KBTBD12: variants seen among roughly 807,000 people sequenced by gnomAD.
KBTBD12 encodes the protein kelch repeat and BTB domain-containing protein 12.
Under a neutral mutation model 58.7 loss-of-function variants are expected in KBTBD12, and 53 were observed. That is an observed-to-expected ratio of 0.90 (90% CI 0.72 to 1.14). The LOEUF is 1.14. Among genes scored for constraint, KBTBD12 ranks in the 50% most tolerant of loss-of-function variants. KBTBD12 has a pLI of 0.00. For missense variants in KBTBD12, 704 were observed against 751.3 expected (o/e 0.94, Z 0.74); for synonymous variants, 236 against 259.8 (o/e 0.91, Z 0.88).
At chr3:127,918,976 GT>G (rs979695438) in intron 1 of KBTBD12, among the ~76,000 whole-genome samples, 1 of 151,828 alleles carries the variant, frequency 6.6e-6, no homozygotes. Flanking sequence ...CTTAAAAATG[GT>G]TTTTTTTAAA....
At chr3:127,959,815 AT>A (rs1302660209) in intron 4 of KBTBD12, among the ~76,000 whole-genome samples, 1 of 152,256 alleles carries the variant, frequency 6.6e-6, no homozygotes, top group Admixed American at 6.5e-5. Context: ...TAATTTACTG[AT>A]GAGAAAAGGC....
Position 127,927,955 on chromosome 3 carries a change from C to G in KBTBD12, c.1262C>G (p.Pro421Arg), listed in dbSNP as rs753185375. The G allele has an allele frequency of 1.2e-6, 2 of 1,613,070 alleles. No homozygotes were observed. Among genetic ancestry groups the G allele is most frequent in the Admixed American group, 3.3e-5 (2 of 59,908 alleles). The change falls in exon 3 of 6, where the codon CCC becomes CGC. Residue 421 changes from proline (P) to arginine (R), a missense_variant. Pro to Arg is a moderately radical substitution (Grantham distance 103, BLOSUM62 -2). Transcript: ENST00000405109. ...VERDNWKRVSPLPLQLACHAV... is the reference protein window; with the variant it reads ...VERDNWKRVSRLPLQLACHAV... ...CGGGACAATTGGAAAAGGGTGTCTC[C>G]CCTTCCACTGCAATTGGCATGTCAT...
chr3:127,973,220 G>A (rs1282050270), intron 5 of KBTBD12, among the ~76,000 whole-genome samples: 1 of 152,038 alleles, frequency 6.6e-6, no homozygotes, highest in East Asian at 1.9e-4. Context: ...CCAGTTTATA[G>A]GAAATAGAGG....
chr3:127,930,628 CT>C (rs1203101488), intron 4 of KBTBD12, among the ~76,000 whole-genome samples: 1 of 152,192 alleles, frequency 6.6e-6, no homozygotes, highest in Non-Finnish European at 1.5e-5. Context: ...TTTGCACCAA[CT>C]GTGATGGATC....
At chr3:127,958,118 G>A (rs745703395) in intron 4 of KBTBD12, among the ~76,000 whole-genome samples, 4 of 152,156 alleles carry the variant, frequency 2.6e-5, no homozygotes, top group Non-Finnish European at 1.5e-5. Flanking sequence ...AGGGGCAGGG[G>A]CGGTGCAGGA....
chr3:127,945,018 C>A (rs796736841), intron 4 of KBTBD12, among the ~76,000 whole-genome samples: 7 of 151,582 alleles, frequency 4.6e-5, no homozygotes, highest in African/African-American at 1.7e-4. Flanking sequence ...GTAGCTGGGA[C>A]CACAGACTCA....
intron 5 of KBTBD12, among the ~76,000 whole-genome samples, chr3:127,965,509 G>A (rs1333190282): frequency 3.3e-5 from 5 of 152,128 alleles, no homozygotes; most frequent in Non-Finnish European, 2.9e-5. Context: ...GACACTAAAT[G>A]TTTTCTCCCT....
In KBTBD12 at chr3:127,977,714, A is replaced by T. The variant is rs116025487; in HGVS notation, c.1691-6383A>T. On this transcript the variant is annotated intron_variant, in intron 5 of 5. Coordinates refer to ENST00000405109, the MANE Select transcript of KBTBD12 (RefSeq NM_207335.4). ...TTTAATTTATTTAAGTTCCTTATAG[A>T]TTCTGGATACTAGACCTTTGTCGAT... is the stretch of plus-strand genomic sequence containing the variant. 3.1e-3 allele frequency among the ~76,000 whole-genome samples: 470 copies of T among 152,314 alleles called. 2 individuals are homozygous for T. Among genetic ancestry groups the T allele is most frequent in the African/African-American group, 1.0e-2 (415 of 41,560 alleles).
At chr3:127,967,813 A>G (rs903802733) in intron 5 of KBTBD12, among the ~76,000 whole-genome samples, 1 of 152,248 alleles carries the variant, frequency 6.6e-6, no homozygotes, top group Non-Finnish European at 1.5e-5. Context: ...TGAACAAGTG[A>G]GTCTTTTGGG....
intron 1 of KBTBD12, among the ~76,000 whole-genome samples, chr3:127,918,711 CA>C (rs56759676): frequency 0.072 from 8,412 of 117,506 alleles, 243 homozygotes; most frequent in East Asian, 0.12. Context: ...GACTCCGTCT[CA>C]AAAAAAAAAA....
intron 5 of KBTBD12, among the ~76,000 whole-genome samples, chr3:127,964,909 A>G (rs111728047): frequency 6.6e-6 from 1 of 152,248 alleles, no homozygotes; most frequent in Non-Finnish European, 1.5e-5. Context: ...AATCTATCAT[A>G]GTAGTAAGAA....
chr3:127,925,812 T>C (rs1318483342), intron 2 of KBTBD12, among the ~76,000 whole-genome samples: 1 of 152,192 alleles, frequency 6.6e-6, no homozygotes, highest in Non-Finnish European at 1.5e-5. Flanking sequence ...AGTTAAAATC[T>C]CCTAGCACTA....
intron 4 of KBTBD12, among the ~76,000 whole-genome samples, chr3:127,948,451 T>C (rs1171368353): frequency 6.6e-6 from 1 of 152,248 alleles, no homozygotes; most frequent in Admixed American, 6.5e-5. Flanking sequence ...CCTTATCTCT[T>C]GCCAAAGATC....
chr3:127,971,562 C>T (rs1406645220), intron 5 of KBTBD12, among the ~76,000 whole-genome samples: 4 of 152,202 alleles, frequency 2.6e-5, no homozygotes, highest in South Asian at 2.1e-4. Flanking sequence ...AGGGTCCCCC[C>T]ATTCCCTACT....
chr3:127,920,693 TTTG>T (rs1417207810), intron 1 of KBTBD12, among the ~76,000 whole-genome samples: 1 of 152,152 alleles, frequency 6.6e-6, no homozygotes, highest in Non-Finnish European at 1.5e-5. Flanking sequence ...ATTGACTTTT[TTTG>T]CACCACATTA....
At chr3:127,946,868 A>G (rs1207214883) in intron 4 of KBTBD12, among the ~76,000 whole-genome samples, 1 of 152,118 alleles carries the variant, frequency 6.6e-6, no homozygotes. Flanking sequence ...ACTATCTTCA[A>G]GTTCACTTAT....
At chr3:127,950,046 T>G (rs1411388164) in intron 4 of KBTBD12, among the ~76,000 whole-genome samples, 1 of 152,236 alleles carries the variant, frequency 6.6e-6, no homozygotes, top group Non-Finnish European at 1.5e-5. Context: ...AGAGTTGGCT[T>G]TATAGTTTGA....
chr3:127,955,402 T>C (rs1477476669), intron 4 of KBTBD12, among the ~76,000 whole-genome samples: 3 of 152,236 alleles, frequency 2.0e-5, no homozygotes, highest in Non-Finnish European at 2.9e-5. Flanking sequence ...GTTCAAATTA[T>C]TACAGTAACT....
At chr3:127,974,847 C>T (rs564714255) in intron 5 of KBTBD12, among the ~76,000 whole-genome samples, 34 of 152,204 alleles carry the variant, frequency 2.2e-4, no homozygotes, top group South Asian at 1.7e-3. Context: ...GGCATGGTGG[C>T]GGGTGCCTGT....
Sources: gnomAD v4.1 joint callset for allele counts (sites outside exome capture counted in the v4.1 genomes callset) on GRCh38, gnomAD v4.1.1 for gene constraint, MANE v1.5 for transcripts, NCBI Gene and HGNC (gene_info 2026-07-23, HGNC 2026-07-21) for gene names.